MAU2: variants seen among roughly 807,000 people sequenced by gnomAD.
The protein encoded by MAU2 is MAU2 sister chromatid cohesion factor, also known as MAU2 chromatid cohesion factor homolog.
A neutral mutation model predicts 89.1 loss-of-function variants in MAU2; 9 were observed. The ratio of observed to expected loss-of-function variants is 0.10; its 90% CI spans 0.06 to 0.18. The LOEUF is 0.18. MAU2 is among the 10% of genes least tolerant of loss of function. MAU2 has a pLI of 1.00. For synonymous variants in MAU2, 357 were observed against 343.4 expected (o/e 1.04, Z -0.44); for missense variants, 425 against 803.5 (o/e 0.53, Z 5.69).
At chr19:19,334,868 C>T (rs533659381) in intron 1 of MAU2, among the ~76,000 whole-genome samples, 6 of 152,346 alleles carry the variant, frequency 3.9e-5, no homozygotes, top group South Asian at 4.2e-4. Flanking sequence ...CCACAGAGTG[C>T]GATGAGTTAG....
rs1002171183 is a variant in MAU2, at chr19:19,344,887, G to C, written c.1116G>C (p.Arg372=). Residue 372 remains arginine, a synonymous_variant, in exon 11 of 19, where the codon CGG becomes CGC. Coordinates refer to ENST00000262815, the MANE Select transcript of MAU2 (RefSeq NM_015329.4). ...QVCQLCQQSP[R]LFSNHAAQLH... ...GCCAGCTGTGCCAGCAGTCCCCCCG[G>C]CTCTTCTCCAACCATGCAGCACAGC... The C allele has an allele frequency of 1.2e-6, 2 of 1,613,718 alleles. No individual in the cohort carries two copies. Among genetic ancestry groups the C allele is most frequent in the Non-Finnish European group, 1.7e-6 (2 of 1,179,986 alleles).
At chr19:19,335,187 C>T (rs542929595) in intron 1 of MAU2, among the ~76,000 whole-genome samples, 4 of 152,334 alleles carry the variant, frequency 2.6e-5, no homozygotes, top group South Asian at 2.1e-4. Context: ...AGCCCCCTCC[C>T]TCCCCTCTGA....
intron 16 of MAU2, among the ~76,000 whole-genome samples, chr19:19,350,484 C>T (rs1334216749): frequency 3.3e-5 from 5 of 150,576 alleles, no homozygotes; most frequent in Admixed American, 2.0e-4. Flanking sequence ...CACATCTGTA[C>T]TCCCAGCTAT....
At chr19:19,347,635 G>A (rs1047635163) in intron 13 of MAU2, 4 of 373,292 alleles carry the variant, frequency 1.1e-5, no homozygotes, top group Non-Finnish European at 1.5e-5. Context: ...GAATCACACA[G>A]ACAAGGTCTT....
chr19:19,328,032 C>T (rs2061525055), intron 1 of MAU2, among the ~76,000 whole-genome samples: 1 of 151,934 alleles, frequency 6.6e-6, no homozygotes, highest in Non-Finnish European at 1.5e-5. Context: ...TGGTGGCTCA[C>T]ATCTGTAGTC....
Position 19,341,148 on chromosome 19 carries a change from G to C in MAU2, c.580-104G>C. 8 of 1,362,142 alleles carry C rather than the reference G, an allele frequency of 5.9e-6. No individual in the cohort carries two copies. The South Asian group carries it at 1.1e-4, about 19-fold the overall frequency. 84.4% of individuals were successfully genotyped at this position (1,362,142 alleles called of 1,614,324 possible). A position where few individuals can be genotyped will look rare whatever the true frequency, so the allele number is the denominator to read the frequency against. On this transcript the variant is annotated intron_variant, in intron 6 of 18. Coordinates refer to ENST00000262815, the MANE Select transcript of MAU2 (RefSeq NM_015329.4). Reference sequence around the variant, plus strand: ...TCAGGCTGGCCTTGCCCTCTGGATTGGTGGCAGCAGTCCCAGGGCAGGTGG... The same window carrying C: ...TCAGGCTGGCCTTGCCCTCTGGATTCGTGGCAGCAGTCCCAGGGCAGGTGG...
In MAU2 at chr19:19,344,929, G is replaced by A. The variant is rs751386140; in HGVS notation, c.1155+3G>A. On this transcript the variant is annotated splice_donor_region_variant and intron_variant, in intron 11 of 18. Coordinates refer to ENST00000262815, the MANE Select transcript of MAU2 (RefSeq NM_015329.4). The stretch of plus-strand genomic sequence containing the variant: ...CAGCACAGCTGCACACATTGCTGGT[G>A]AGTAACCCTGTGACAACACCCCGGG... 3.1e-6 allele frequency: 5 copies of A among 1,613,410 alleles called. No individual in the cohort carries two copies. The highest frequency in any genetic ancestry group is 4.2e-6 in the Non-Finnish European group (5 of 1,179,856).
At chr19:19,340,483 C>CA (rs1180794934) in intron 5 of MAU2, among the ~76,000 whole-genome samples, 1 of 148,458 alleles carries the variant, frequency 6.7e-6, no homozygotes, top group Admixed American at 6.7e-5. Context: ...ACTAAAAATA[C>CA]AAAAAATTAG....
At chr19:19,346,696 A>G (rs2061695857) in intron 12 of MAU2, among the ~76,000 whole-genome samples, 1 of 152,160 alleles carries the variant, frequency 6.6e-6, no homozygotes, top group Non-Finnish European at 1.5e-5. Context: ...CTTGAGCTAC[A>G]TAGATTGGAC....
chr19:19,342,989 G>A lies in MAU2; in HGVS notation c.973+123G>A, dbSNP rs1018417261. ...CCGCAGCGCCCAGCCACCCTGCCTG[G>A]TGGGTCTCGTCACCCCTAGTTGATA... On this transcript the variant is annotated intron_variant, in intron 9 of 18. Transcript: ENST00000262815. 1.0e-5 allele frequency: 10 copies of A among 973,678 alleles called. No homozygotes were observed. In the African/African-American group the frequency reaches 1.3e-4, roughly 12 times the overall value. The allele number at this position is 973,678 out of a possible 1,614,324, so 60.3% of individuals were successfully genotyped here. A position where few individuals can be genotyped will look rare whatever the true frequency, so the allele number is the denominator to read the frequency against.
intron 1 of MAU2, 134 bp from the exon 2 acceptor site, chr19:19,335,584 C>A: frequency 1.2e-6 from 1 of 826,618 alleles, no homozygotes; most frequent in South Asian, 1.5e-5. Context: ...TCAGGCCAAG[C>A]GGGCCGCCTT....
At chr19:19,346,940 G>A in intron 12 of MAU2, 1 of 249,158 alleles carries the variant, frequency 4.0e-6, no homozygotes, top group Middle Eastern at 1.4e-3. Context: ...GGGTCCCACA[G>A]GTTGCTGGCT....
intron 4 of MAU2, among the ~76,000 whole-genome samples, chr19:19,337,998 C>T (rs1353967745): frequency 2.0e-5 from 3 of 152,324 alleles, no homozygotes; most frequent in Non-Finnish European, 2.9e-5. Context: ...GGCGGGTGGC[C>T]GGCCCCCGGC....
rs2061445314 is a variant in MAU2 at position 19,320,880 on chromosome 19, AGCGGCCCAGGCG to A, written c.27_38del (p.Gln10_Ala13del). On this transcript the variant is annotated inframe_deletion, in exon 1 of 19. Coordinates refer to ENST00000262815, the MANE Select transcript of MAU2 (RefSeq NM_015329.4). Reference sequence around the variant, plus strand: ...CCAAAATGGCGGCTCAGGCGGCGGCAGCGGCCCAGGCGGCGGCGGCCCAGGCTGCGCAGGCCG... The same window carrying A: ...CCAAAATGGCGGCTCAGGCGGCGGCAGCGGCGGCCCAGGCTGCGCAGGCCG... 2 of 1,516,028 alleles carry A rather than the reference AGCGGCCCAGGCG, an allele frequency of 1.3e-6. No individual in the cohort carries two copies. Among genetic ancestry groups the A allele is most frequent in the Non-Finnish European group, 8.8e-7 (1 of 1,133,298 alleles). The allele number at this position is 1,516,028 out of a possible 1,614,324, so 93.9% of individuals were successfully genotyped here.
rs1010833362 is a variant in MAU2 at position 19,323,776 on chromosome 19, G to A, written c.276+2641G>A. On this transcript the variant is annotated intron_variant, in intron 1 of 18. Transcript: ENST00000262815. ...TGGAACTACAGGCTTGAGCCATTGT[G>A]CCCAGCGTGGAAGGCAACTTTAGTC... Among the ~76,000 whole-genome samples, 5 of 152,306 alleles carry A rather than the reference G, an allele frequency of 3.3e-5. No homozygotes were observed. In the South Asian group the frequency reaches 1.0e-3, roughly 32 times the overall value.
chr19:19,354,823 A>G (rs1046107443), intron 17 of MAU2, among the ~76,000 whole-genome samples: 1 of 152,122 alleles, frequency 6.6e-6, no homozygotes, highest in African/African-American at 2.4e-5. Context: ...AGCGGGTATC[A>G]TTGCTGTTAC....
intron 14 of MAU2, 106 bp downstream of exon 14, chr19:19,349,044 C>T (rs532720307): frequency 2.6e-6 from 4 of 1,558,396 alleles, no homozygotes; most frequent in Non-Finnish European, 3.5e-6. Context: ...CCCCTCCTCA[C>T]AGACAGTCTG....
At position 19,357,557 on chromosome 19, in the gene MAU2, C is replaced by T. The variant is rs763268955; in HGVS notation, c.*1775C>T. 6.5e-6 allele frequency: 1 copy of T among 152,800 alleles called. No homozygotes were observed. Among genetic ancestry groups the T allele is most frequent in the Middle Eastern group, 2.0e-3 (1 of 502 alleles). The allele number at this position is 152,800 out of a possible 1,614,324, so 9.5% of individuals were successfully genotyped here. A position where few individuals can be genotyped will look rare whatever the true frequency, so the allele number is the denominator to read the frequency against. On this transcript the variant is annotated 3_prime_UTR_variant, in exon 19 of 19. Coordinates refer to ENST00000262815, the MANE Select transcript of MAU2 (RefSeq NM_015329.4). ...ACACCACTCATGTCACCACGGCGTG[C>T]ATCATGTTCATCCCCATCTATTTAT...
At chr19:19,349,603 G>C (rs1823755129) in intron 16 of MAU2, among the ~76,000 whole-genome samples, 167 bp downstream of exon 16, 1 of 152,194 alleles carries the variant, frequency 6.6e-6, no homozygotes, top group Admixed American at 6.5e-5. Flanking sequence ...GGCAGGGCCA[G>C]AGGAGCTGGG....
Sources: gnomAD v4.1 joint callset for allele counts (sites outside exome capture counted in the v4.1 genomes callset) on GRCh38, gnomAD v4.1.1 for gene constraint, MANE v1.5 for transcripts, NCBI Gene and HGNC (gene_info 2026-07-23, HGNC 2026-07-21) for gene names.